The following ASTN2 variants were observed in gnomAD, a reference collection of about 807,000 sequenced individuals.
The protein encoded by ASTN2 is astrotactin 2.
A neutral mutation model predicts 139.8 loss-of-function variants in ASTN2; 54 were observed. That is an observed-to-expected ratio of 0.39 (90% confidence interval 0.31 to 0.48). The LOEUF is 0.48. Ranked by LOEUF, ASTN2 falls within the 20% of genes least tolerant of loss-of-function variation. ASTN2 has a pLI of 0.95. For missense variants in ASTN2, 1,565 were observed against 1,725.1 expected (o/e 0.91, Z 1.64); for synonymous variants, 756 against 719.5 (o/e 1.05, Z -0.81).
At chr9:117,050,337 G>A (rs1008168981) in intron 5 of ASTN2, among the ~76,000 whole-genome samples, 1 of 152,056 alleles carries the variant, frequency 6.6e-6, no homozygotes, top group Non-Finnish European at 1.5e-5. Context: ...AGTGGACTTT[G>A]GCCCACACTT....
At chr9:117,195,350 A>G (rs1045363719) in intron 3 of ASTN2, among the ~76,000 whole-genome samples, 1 of 152,216 alleles carries the variant, frequency 6.6e-6, no homozygotes, top group African/African-American at 2.4e-5. Context: ...GAAGAAGGTT[A>G]GCAAGTCTGA....
chr9:116,488,073 C>G (rs1283177209), intron 19 of ASTN2, among the ~76,000 whole-genome samples: 2 of 152,092 alleles, frequency 1.3e-5, no homozygotes, highest in African/African-American at 4.8e-5. Flanking sequence ...GTCATGGAAC[C>G]TTCACCATGT....
chr9:117,313,895 T>G (rs979998404), intron 1 of ASTN2, among the ~76,000 whole-genome samples: 1 of 152,288 alleles, frequency 6.6e-6, no homozygotes, highest in African/African-American at 2.4e-5. Context: ...AAATTGTATC[T>G]GAATTTCTCC....
intron 10 of ASTN2, among the ~76,000 whole-genome samples, chr9:116,903,088 C>T (rs1588397591): frequency 1.3e-5 from 2 of 152,006 alleles, no homozygotes; most frequent in Admixed American, 6.6e-5. Flanking sequence ...TGCTGCATTC[C>T]TCCTCCTCTT....
chr9:117,055,444 C>T (rs1452638059), intron 5 of ASTN2, among the ~76,000 whole-genome samples: 2 of 152,114 alleles, frequency 1.3e-5, no homozygotes, highest in Non-Finnish European at 2.9e-5. Flanking sequence ...TAGTAACACA[C>T]ATATTTTATT....
chr9:117,222,986 G>A (rs1832576593), intron 2 of ASTN2, among the ~76,000 whole-genome samples: 1 of 152,158 alleles, frequency 6.6e-6, no homozygotes, highest in Admixed American at 6.5e-5. Flanking sequence ...AATAAACCAT[G>A]GGTTCACTAT....
chr9:117,312,669 T>C (rs1828013963), intron 1 of ASTN2, among the ~76,000 whole-genome samples: 1 of 152,194 alleles, frequency 6.6e-6, no homozygotes, highest in Non-Finnish European at 1.5e-5. Context: ...GGTCTAGTCT[T>C]GGTTCTTAAG....
At chr9:117,002,178 C>T (rs1837210717) in intron 7 of ASTN2, among the ~76,000 whole-genome samples, 1 of 152,128 alleles carries the variant, frequency 6.6e-6, no homozygotes, top group Non-Finnish European at 1.5e-5. Flanking sequence ...GATCTCTGGC[C>T]CTAAGGAGTT....
intron 10 of ASTN2, among the ~76,000 whole-genome samples, chr9:116,864,211 T>C (rs1832962728): frequency 6.6e-6 from 1 of 152,200 alleles, no homozygotes; most frequent in African/African-American, 2.4e-5. Context: ...CACATCCCTA[T>C]TATTCCAACT....
intron 5 of ASTN2, among the ~76,000 whole-genome samples, chr9:117,062,208 C>T (rs984379281): frequency 1.3e-4 from 20 of 152,156 alleles, no homozygotes; most frequent in African/African-American, 4.8e-4. Flanking sequence ...AACACTGTAA[C>T]CATGGATTTA....
At chr9:117,085,226 C>T (rs181927374) in intron 5 of ASTN2, among the ~76,000 whole-genome samples, 48 of 152,288 alleles carry the variant, frequency 3.2e-4, no homozygotes, top group Non-Finnish European at 6.3e-4. Flanking sequence ...TTCTGGATTG[C>T]TTAGACTATT....
At chr9:116,883,568 G>T (rs1415742252) in intron 10 of ASTN2, among the ~76,000 whole-genome samples, 2 of 152,158 alleles carry the variant, frequency 1.3e-5, no homozygotes, top group Admixed American at 1.3e-4. Context: ...CTGACTTACT[G>T]CTGAGCAGGT....
At chr9:116,978,845 G>T (rs1375516522) in intron 7 of ASTN2, among the ~76,000 whole-genome samples, 1 of 152,076 alleles carries the variant, frequency 6.6e-6, no homozygotes, top group African/African-American at 2.4e-5. Context: ...CTGAGGATGA[G>T]TCAAGATGCC....
At chr9:117,343,787 T>A (rs1829130589) in intron 1 of ASTN2, among the ~76,000 whole-genome samples, 1 of 152,192 alleles carries the variant, frequency 6.6e-6, no homozygotes, top group Non-Finnish European at 1.5e-5. Context: ...AGAATGTGCA[T>A]GTTTTAAAGG....
chr9:116,974,450 A>C (rs1836290013), intron 10 of ASTN2, among the ~76,000 whole-genome samples: 2 of 152,028 alleles, frequency 1.3e-5, no homozygotes, highest in South Asian at 4.2e-4. Context: ...GGATAATGTA[A>C]AGTGAAATGT....
At chr9:116,675,705 T>C (rs1859460666) in intron 16 of ASTN2, among the ~76,000 whole-genome samples, 1 of 152,172 alleles carries the variant, frequency 6.6e-6, no homozygotes, top group Non-Finnish European at 1.5e-5. Flanking sequence ...CTGCTGGAAG[T>C]CCAGCAGGCT....
intron 16 of ASTN2, among the ~76,000 whole-genome samples, chr9:116,657,495 G>A (rs577186114): frequency 6.6e-6 from 1 of 152,104 alleles, no homozygotes; most frequent in Non-Finnish European, 1.5e-5. Context: ...ACAAAGGAGA[G>A]GAAATCTAAC....
chr9:117,376,103 T>C (rs527744562), intron 1 of ASTN2, among the ~76,000 whole-genome samples: 21 of 152,302 alleles, frequency 1.4e-4, no homozygotes, highest in African/African-American at 1.9e-4. Flanking sequence ...TTTTTCCATA[T>C]GGCATAGAAT....
At chr9:116,439,038 T>C (rs1190920445) in intron 22 of ASTN2, among the ~76,000 whole-genome samples, 1 of 152,176 alleles carries the variant, frequency 6.6e-6, no homozygotes, top group Non-Finnish European at 1.5e-5. Flanking sequence ...CTTCAGGCTC[T>C]GCTAGAATTG....
Sources: gnomAD v4.1 joint callset for allele counts (sites outside exome capture counted in the v4.1 genomes callset) on GRCh38, gnomAD v4.1.1 for gene constraint, MANE v1.5 for transcripts, NCBI Gene and HGNC (gene_info 2026-07-23, HGNC 2026-07-21) for gene names.